The following METTL15 variants were observed in gnomAD, a reference collection of about 807,000 sequenced individuals.
The protein encoded by METTL15 is 12S rRNA N(4)-cytidine methyltransferase METTL15.
A neutral mutation model predicts 38.3 loss-of-function variants in METTL15; 34 were observed. The ratio of observed to expected loss-of-function variants is 0.89; its 90% CI spans 0.68 to 1.18. The LOEUF (loss-of-function observed/expected upper bound fraction) is 1.18. Ranked by LOEUF, METTL15 falls within the 50% of genes most tolerant of loss-of-function variation. The pLI is 0.00. For synonymous variants in METTL15, 162 were observed against 170.9 expected (o/e 0.95, Z 0.41); for missense variants, 438 against 498.4 (o/e 0.88, Z 1.15).
intron 3 of METTL15, among the ~76,000 whole-genome samples, chr11:28,165,919 CCA>C (rs1850642924): frequency 1.3e-5 from 2 of 151,994 alleles, no homozygotes; most frequent in Admixed American, 1.3e-4. Flanking sequence ...TGTCTTTTCC[CCA>C]TTTTGTGGCC....
intron 4 of METTL15, chr11:28,287,184 G>GTGTGTC: frequency 4.6e-6 from 1 of 217,638 alleles, no homozygotes; most frequent in Non-Finnish European, 9.1e-6. Flanking sequence ...GTGTGTGTGT[G>GTGTGTC]TGTGTGTGTG....
chr11:28,478,213 A>G (rs184465708), intron 6 of METTL15, among the ~76,000 whole-genome samples: 2 of 152,346 alleles, frequency 1.3e-5, no homozygotes, highest in East Asian at 3.9e-4. Flanking sequence ...AATCCTAAGG[A>G]GATACCATAT....
intron 5 of METTL15, among the ~76,000 whole-genome samples, chr11:28,367,188 C>A: frequency 1.4e-5 from 2 of 142,628 alleles, no homozygotes. Flanking sequence ...CTTTAGATGT[C>A]TAGGAGCCAC....
At chr11:28,346,099 CCTGTATGCATCTCATTTT>C (rs1334959812) in intron 3 of METTL15, among the ~76,000 whole-genome samples, 5 of 152,202 alleles carry the variant, frequency 3.3e-5, no homozygotes, top group African/African-American at 9.6e-5. Context: ...TAAGCTACGT[CCTGTATGCATCTCATTTT>C]TGGAATAACA....
At chr11:28,409,249 A>T (rs150591492) in intron 5 of METTL15, among the ~76,000 whole-genome samples, 9 of 151,662 alleles carry the variant, frequency 5.9e-5, no homozygotes, top group African/African-American at 2.2e-4. Context: ...TGGCGGGGTG[A>T]CAGGCGCCTG....
chr11:28,229,529 T>A (rs1853606241), intron 4 of METTL15, among the ~76,000 whole-genome samples: 1 of 151,938 alleles, frequency 6.6e-6, no homozygotes. Context: ...GGGGAAGTGA[T>A]TAAGTTATGA....
intron 5 of METTL15, among the ~76,000 whole-genome samples, chr11:28,362,637 CAGCTTTATCCATATTGCACAATGGTCTCT>C (rs1205465019): frequency 2.6e-5 from 4 of 152,222 alleles, no homozygotes; most frequent in South Asian, 2.1e-4. Context: ...GAATGGTCTT[CAGCTTTATCCATATTGCACAATGGTCTCT>C]AGCTTTATCC....
intron 6 of METTL15, among the ~76,000 whole-genome samples, chr11:28,444,039 T>C (rs960689473): frequency 1.2e-4 from 18 of 152,224 alleles, no homozygotes; most frequent in African/African-American, 4.3e-4. Flanking sequence ...ACTATAAACA[T>C]AATTTTCAAT....
chr11:28,218,841 G>A lies in METTL15; in HGVS notation c.407+7643G>A, dbSNP rs1158157987. 3.3e-5 allele frequency among the ~76,000 whole-genome samples: 5 copies of A among 152,280 alleles called. No individual in the cohort carries two copies. In the South Asian group the frequency reaches 8.3e-4, roughly 25 times the overall value. On this transcript the variant is annotated intron_variant, in intron 4 of 6. Transcript: ENST00000407364. The stretch of plus-strand genomic sequence containing the variant: ...TCATGTGGTTTTTGTCGTTGGTTCT[G>A]TTTATATGCTGGAATACGTTTATTG...
intron 6 of METTL15, among the ~76,000 whole-genome samples, chr11:28,426,434 A>G (rs1440817999): frequency 6.6e-6 from 1 of 152,140 alleles, no homozygotes; most frequent in Non-Finnish European, 1.5e-5. Context: ...CTTTCAGTAT[A>G]TACCCAGGAA....
At position 28,211,107 on chromosome 11, in the gene METTL15, A is replaced by G. The variant is rs577282708; in HGVS notation, c.316A>G (p.Ile106Val). The G allele has an allele frequency of 2.5e-5, 40 of 1,612,136 alleles. No individual in the cohort carries two copies. Among genetic ancestry groups the G allele is most frequent in the Middle Eastern group, 1.7e-4 (1 of 5,732 alleles). The change falls in exon 4 of 7, where the codon ATT (isoleucine) becomes GTT (valine). Residue 106 changes from isoleucine (I) to valine (V), a missense_variant. Coordinates refer to ENST00000407364, the MANE Select transcript of METTL15 (RefSeq NM_001113528.2). ...TGGTTCGGGAGGGCACACAAAAGCC[A>G]TTCTGCAGAAGGAGTCAGATATTGT... The part of the protein sequence containing the change: ...TFGSGGHTKA[I>V]LQKESDIVLY...
chr11:28,333,327 T>C lies in METTL15; in HGVS notation c.*2486T>C, dbSNP rs1241507294. 1 of 152,220 alleles carries C rather than the reference T, an allele frequency of 6.6e-6. No homozygotes were observed. Among genetic ancestry groups the C allele is most frequent in the East Asian group, 1.9e-4 (1 of 5,206 alleles). 9.4% of individuals were successfully genotyped at this position (152,220 alleles called of 1,614,324 possible). The stretch of plus-strand genomic sequence containing the variant: ...TAACTTTTCTGTAATTAGATTGTGT[T>C]TTATAGTAATTCTTGCCTGCTTCTT... On this transcript the variant is annotated 3_prime_UTR_variant, in exon 7 of 7. Coordinates refer to ENST00000407364, the MANE Select transcript of METTL15 (RefSeq NM_001113528.2).
intron 6 of METTL15, among the ~76,000 whole-genome samples, chr11:28,511,673 T>A (rs1275057964): frequency 6.6e-6 from 1 of 152,184 alleles, no homozygotes; most frequent in Non-Finnish European, 1.5e-5. Flanking sequence ...CCTGGTGGGT[T>A]CATGGTCTCA....
At chr11:28,382,753 T>C (rs1046431907) in intron 5 of METTL15, among the ~76,000 whole-genome samples, 1 of 151,720 alleles carries the variant, frequency 6.6e-6, no homozygotes, top group African/African-American at 2.4e-5. Flanking sequence ...GAGAATTGCT[T>C]GAACCCAGGA....
intron 4 of METTL15, among the ~76,000 whole-genome samples, chr11:28,240,292 G>A (rs570671174): frequency 7.9e-5 from 12 of 152,246 alleles, no homozygotes; most frequent in East Asian, 1.9e-4. Flanking sequence ...TTTGTTAAAC[G>A]AGAAGAATGT....
At chr11:28,520,253 A>C (rs1487055594) in intron 6 of METTL15, among the ~76,000 whole-genome samples, 1 of 151,946 alleles carries the variant, frequency 6.6e-6, no homozygotes, top group East Asian at 1.9e-4. Flanking sequence ...TGGGAGGATC[A>C]CCTGAGCCTG....
chr11:28,111,363 T>C (rs1484269760), intron 2 of METTL15, among the ~76,000 whole-genome samples: 3 of 152,236 alleles, frequency 2.0e-5, no homozygotes, highest in African/African-American at 7.2e-5. Flanking sequence ...TATCAAAATC[T>C]GGACATATAG....
intron 3 of METTL15, among the ~76,000 whole-genome samples, chr11:28,346,011 C>A (rs1430792611): frequency 6.6e-6 from 1 of 152,168 alleles, no homozygotes; most frequent in African/African-American, 2.4e-5. Flanking sequence ...TAGGAGTAGT[C>A]TTGAAGACCA....
At chr11:28,123,565 C>T (rs1211719745) in intron 3 of METTL15, among the ~76,000 whole-genome samples, 1 of 126,258 alleles carries the variant, frequency 7.9e-6, no homozygotes. Context: ...TTGGGTGAAA[C>T]AAATACCAGG....
Sources: allele counts gnomAD v4.1 joint callset (sites outside exome capture counted in the v4.1 genomes callset), GRCh38; gene constraint gnomAD v4.1.1; transcripts MANE v1.5; gene names NCBI Gene and HGNC (gene_info 2026-07-23, HGNC 2026-07-21).